NPSR1: variants seen among roughly 807,000 people sequenced by gnomAD.
The protein encoded by NPSR1 is neuropeptide S receptor.
NPSR1 carries 48 observed loss-of-function variants against 46.9 expected under a neutral mutation model. The observed-to-expected ratio is 1.02, with a 90% CI of 0.81 to 1.30. The LOEUF (loss-of-function observed/expected upper bound fraction) is 1.30, where lower values mean the gene tolerates loss of function less well. Ranked by LOEUF, NPSR1 falls within the 50% of genes most tolerant of loss-of-function variation. The pLI, the probability that NPSR1 is intolerant of heterozygous loss-of-function variation, is 0.00. For synonymous variants in NPSR1, 176 were observed against 168.1 expected (o/e 1.05, Z -0.36); for missense variants, 450 against 449.5 (o/e 1.00, Z -0.01).
chr7:34,839,414 G>A (rs923163813), intron 6 of NPSR1, among the ~76,000 whole-genome samples: 15 of 152,132 alleles, frequency 9.9e-5, no homozygotes, highest in Non-Finnish European at 2.1e-4. Flanking sequence ...GAGAAAGTTC[G>A]GTTTACCAAA....
intron 2 of NPSR1, among the ~76,000 whole-genome samples, chr7:34,777,531 A>C (rs1213083946): frequency 6.6e-6 from 1 of 151,962 alleles, no homozygotes; most frequent in East Asian, 1.9e-4. Context: ...AGCAATATGA[A>C]GTTAAAACCA....
intron 8 of NPSR1, among the ~76,000 whole-genome samples, chr7:34,858,051 A>C (rs1791089749): frequency 1.3e-5 from 2 of 151,880 alleles, no homozygotes; most frequent in South Asian, 4.1e-4. Flanking sequence ...AATGTTGCTG[A>C]GGATGTACAG....
intron 1 of NPSR1, among the ~76,000 whole-genome samples, chr7:34,659,525 C>T (rs1791349277): frequency 6.6e-6 from 1 of 152,224 alleles, no homozygotes; most frequent in Non-Finnish European, 1.5e-5. Context: ...CACCTCCCTA[C>T]TGGAAGTTCA....
At chr7:34,730,104 T>C (rs1784352361) in intron 2 of NPSR1, among the ~76,000 whole-genome samples, 1 of 152,204 alleles carries the variant, frequency 6.6e-6, no homozygotes, top group South Asian at 2.1e-4. Flanking sequence ...TTGTGATGAC[T>C]TACATGAAGA....
chr7:34,841,187 G>C (rs1181893000), intron 6 of NPSR1, among the ~76,000 whole-genome samples: 1 of 152,130 alleles, frequency 6.6e-6, no homozygotes, highest in Non-Finnish European at 1.5e-5. Flanking sequence ...CAAATCACCT[G>C]CACTCTTTAT....
chr7:34,742,327 A>T (rs1347371449), intron 2 of NPSR1, among the ~76,000 whole-genome samples: 1 of 151,920 alleles, frequency 6.6e-6, no homozygotes, highest in East Asian at 1.9e-4. Flanking sequence ...CCCACCCTCC[A>T]CTTTCAAGTA....
chr7:34,780,516 A>C (rs34405665), intron 3 of NPSR1, among the ~76,000 whole-genome samples: 7,838 of 152,264 alleles, frequency 0.051, 658 homozygotes, highest in African/African-American at 0.18. Context: ...AAAATATCAG[A>C]ATCAAATTTG....
intron 2 of NPSR1, among the ~76,000 whole-genome samples, chr7:34,700,358 A>T (rs1175564466): frequency 1.3e-5 from 2 of 152,188 alleles, no homozygotes; most frequent in Non-Finnish European, 2.9e-5. Flanking sequence ...ACTAGCAAAC[A>T]TGGCCACAAT....
intron 2 of NPSR1, among the ~76,000 whole-genome samples, chr7:34,757,648 G>C (rs761343882): frequency 2.6e-5 from 4 of 152,162 alleles, no homozygotes; most frequent in Non-Finnish European, 5.9e-5. Flanking sequence ...TGACCCCCCA[G>C]TTTCTGCCTT....
intron 1 of NPSR1, among the ~76,000 whole-genome samples, chr7:34,664,142 C>T (rs973351677): frequency 1.3e-5 from 2 of 152,198 alleles, no homozygotes; most frequent in Non-Finnish European, 2.9e-5. Context: ...CAAGTAAACT[C>T]AGGCTTTTGA....
chr7:34,850,477 T>C (rs1346391232), downstream of NPSR1, among the ~76,000 whole-genome samples: 1 of 146,826 alleles, frequency 6.8e-6, no homozygotes, highest in Non-Finnish European at 1.5e-5. Flanking sequence ...CTCGGCTCAC[T>C]GCGAGCTCCA....
At chr7:34,767,052 G>A (rs774451826) in intron 2 of NPSR1, among the ~76,000 whole-genome samples, 23 of 152,174 alleles carry the variant, frequency 1.5e-4, no homozygotes, top group Non-Finnish European at 3.2e-4. Flanking sequence ...GACAGTTGTA[G>A]AACTGTTCTC....
intron 1 of NPSR1, among the ~76,000 whole-genome samples, chr7:34,662,355 T>A (rs1392568672): frequency 1.3e-5 from 2 of 152,088 alleles, no homozygotes; most frequent in Admixed American, 1.3e-4. Flanking sequence ...TTAATTTTCT[T>A]AACACACTCT....
intron 4 of NPSR1, among the ~76,000 whole-genome samples, chr7:34,820,093 T>G (rs1327384681): frequency 6.6e-6 from 1 of 152,108 alleles, no homozygotes; most frequent in Non-Finnish European, 1.5e-5. Context: ...AGATAAACCT[T>G]ATGTTAAGTG....
chr7:34,689,631 A>AAAAAAAAG (rs1793139343), intron 2 of NPSR1, among the ~76,000 whole-genome samples: 1 of 145,308 alleles, frequency 6.9e-6, no homozygotes, highest in Admixed American at 6.9e-5. Flanking sequence ...AAAAAAAAAA[A>AAAAAAAAG]AAAGAAAAGA....
chr7:34,751,588 C>T lies in NPSR1; in HGVS notation c.281-26874C>T, dbSNP rs758142000. ...TTTGGTCTTGTGCTCCTGTTCTTCCCGGAGAACTCGGCGCTGACAGAGCTC... is the reference window on the plus strand; with the variant it reads ...TTTGGTCTTGTGCTCCTGTTCTTCCTGGAGAACTCGGCGCTGACAGAGCTC... On this transcript the variant is annotated intron_variant, in intron 2 of 8. Transcript: ENST00000360581. 2.2e-5 allele frequency: 35 copies of T among 1,601,628 alleles called. No individual in the cohort carries two copies. The East Asian group carries it at 3.1e-4, about 14-fold the overall frequency.
intron 3 of NPSR1, among the ~76,000 whole-genome samples, chr7:34,783,208 C>G (rs1787310604): frequency 1.3e-5 from 2 of 152,094 alleles, no homozygotes; most frequent in South Asian, 4.1e-4. Context: ...GTATTCAAGA[C>G]TGGGTAATTT....
chr7:34,785,387 G>A (rs559037269), intron 3 of NPSR1, among the ~76,000 whole-genome samples: 8 of 112,728 alleles, frequency 7.1e-5, no homozygotes, highest in Admixed American at 6.2e-4. Flanking sequence ...GTTGTGGGGT[G>A]GGGGGAGGGG....
chr7:34,775,864 T>C (rs1360052087), intron 2 of NPSR1, among the ~76,000 whole-genome samples: 1 of 152,150 alleles, frequency 6.6e-6, no homozygotes, highest in Non-Finnish European at 1.5e-5. Context: ...ATGAAGGTAC[T>C]AATAGCCATA....
Sources: allele counts gnomAD v4.1 joint callset (sites outside exome capture counted in the v4.1 genomes callset), GRCh38; gene constraint gnomAD v4.1.1; transcripts MANE v1.5; gene names NCBI Gene and HGNC (gene_info 2026-07-23, HGNC 2026-07-21).